DAPP1: variants seen among roughly 807,000 people sequenced by gnomAD.
DAPP1 encodes dual adapter for phosphotyrosine and 3-phosphotyrosine and 3-phosphoinositide.
A neutral mutation model predicts 41.5 loss-of-function variants in DAPP1; 20 were observed. The observed-to-expected ratio is 0.48, with a 90% CI of 0.34 to 0.70. DAPP1 has a LOEUF of 0.70. Ranked by LOEUF, DAPP1 falls within the 30% of genes least tolerant of loss-of-function variation. DAPP1 has a pLI of 0.01. For synonymous variants in DAPP1, 113 were observed against 116.2 expected, an observed-to-expected ratio of 0.97 and a Z score of 0.18; for missense variants, 233 against 333.4, an observed-to-expected ratio of 0.70 and a Z score of 2.35.
At chr4:99,848,262 C>G (rs1371499906) in intron 3 of DAPP1, among the ~76,000 whole-genome samples, 4 of 148,106 alleles carry the variant, frequency 2.7e-5, no homozygotes, top group Non-Finnish European at 6.0e-5. Flanking sequence ...GGGTCTCACT[C>G]TGTTGCCCAG....
Position 99,868,329 on chromosome 4 carries a change from T to G in DAPP1, c.*144T>G, listed in dbSNP as rs1156630434. On this transcript the variant is annotated 3_prime_UTR_variant, in exon 9 of 9. Coordinates refer to ENST00000512369, the MANE Select transcript of DAPP1 (RefSeq NM_014395.3). ...AGAAGCAGATGCTGATTGGGACCCA[T>G]ATACCACGTTGCTGACTCACGTTGC... 1 of 706,888 alleles carries G rather than the reference T, an allele frequency of 1.4e-6. No homozygotes were observed. The highest frequency in any genetic ancestry group is 2.4e-6 in the Non-Finnish European group (1 of 414,932). 43.8% of individuals were successfully genotyped at this position (706,888 alleles called of 1,614,324 possible).
At chr4:99,849,195 A>G (rs531938532) in intron 3 of DAPP1, among the ~76,000 whole-genome samples, 10 of 152,158 alleles carry the variant, frequency 6.6e-5, no homozygotes, top group Admixed American at 4.6e-4. Context: ...CCTTTGTTTT[A>G]CTTTTGTTGA....
intron 1 of DAPP1, among the ~76,000 whole-genome samples, chr4:99,828,544 A>G (rs1723020316): frequency 1.3e-5 from 2 of 152,216 alleles, no homozygotes; most frequent in African/African-American, 4.8e-5. Context: ...GTGGGATAAG[A>G]AACTATGAAG....
At position 99,869,930 on chromosome 4, in the gene DAPP1, A is replaced by C. The variant is rs557275243; in HGVS notation, c.*1745A>C. The C allele has an allele frequency of 1.2e-4, 18 of 151,796 alleles. No homozygotes were observed. Among genetic ancestry groups the C allele is most frequent in the African/African-American group, 4.1e-4 (17 of 41,438 alleles). 9.4% of individuals were successfully genotyped at this position (151,796 alleles called of 1,614,324 possible). ...GGGTGACAGAGTCAGACTCCGTCCCAAAAAAACAAACAAACAAAACAAAAC... is the reference window on the plus strand; with the variant it reads ...GGGTGACAGAGTCAGACTCCGTCCCCAAAAAACAAACAAACAAAACAAAAC... On this transcript the variant is annotated 3_prime_UTR_variant, in exon 9 of 9. Coordinates refer to ENST00000512369, the MANE Select transcript of DAPP1 (RefSeq NM_014395.3).
intron 1 of DAPP1, among the ~76,000 whole-genome samples, chr4:99,824,554 T>C (rs1206465790): frequency 1.3e-5 from 2 of 152,160 alleles, no homozygotes; most frequent in Admixed American, 1.3e-4. Flanking sequence ...CCCAATGTAC[T>C]TATAGCTCTT....
intron 1 of DAPP1, among the ~76,000 whole-genome samples, chr4:99,817,847 T>A (rs1560683480): frequency 6.6e-6 from 1 of 152,224 alleles, no homozygotes; most frequent in Non-Finnish European, 1.5e-5. Context: ...CCTGGACAAA[T>A]AGCTCTAACT....
At chr4:99,861,399 C>T (rs1029272569) in intron 4 of DAPP1, among the ~76,000 whole-genome samples, 179 bp from the exon 5 acceptor site, 1 of 152,164 alleles carries the variant, frequency 6.6e-6, no homozygotes, top group African/African-American at 2.4e-5. Flanking sequence ...CCAGTAGATC[C>T]AGTCTGAAAA....
intron 1 of DAPP1, among the ~76,000 whole-genome samples, chr4:99,818,398 G>A (rs151087633): frequency 2.0e-5 from 3 of 152,266 alleles, no homozygotes; most frequent in African/African-American, 4.8e-5. Context: ...TCTGTTAACT[G>A]TATTCCCAGC....
chr4:99,857,670 T>C (rs552066846), intron 4 of DAPP1, among the ~76,000 whole-genome samples: 1 of 151,164 alleles, frequency 6.6e-6, no homozygotes, highest in East Asian at 1.9e-4. Context: ...TTCAGTCTTT[T>C]ACTTGAAAAA....
At chr4:99,853,189 T>C in intron 3 of DAPP1, 29 bp from the exon 4 acceptor site, 1 of 1,612,332 alleles carries the variant, frequency 6.2e-7, no homozygotes, top group South Asian at 1.1e-5. Context: ...GGAACACTGT[T>C]CGATTATATA....
At chr4:99,865,292 T>C (rs1197429452) in intron 7 of DAPP1, 2 of 152,192 alleles carry the variant, frequency 1.3e-5, no homozygotes, top group African/African-American at 4.8e-5. Flanking sequence ...TAAGGAAGTA[T>C]GTTCAGTATG....
At chr4:99,863,096 TTCCTTTAAAAA>T (rs760414332) in intron 6 of DAPP1, 24 bp downstream of exon 6, 6 of 1,497,910 alleles carry the variant, frequency 4.0e-6, no homozygotes, top group Non-Finnish European at 5.4e-6. Context: ...TAATATATTT[TTCCTTTAAAAA>T]TCAATTCTCT....
chr4:99,847,611 T>C (rs967417200), intron 3 of DAPP1, among the ~76,000 whole-genome samples: 6 of 152,200 alleles, frequency 3.9e-5, no homozygotes, highest in African/African-American at 7.2e-5. Flanking sequence ...CTGTGGTTAC[T>C]GGTCTTCCTC....
chr4:99,871,030 G>T (rs1286877993), downstream of DAPP1, among the ~76,000 whole-genome samples: 2 of 152,098 alleles, frequency 1.3e-5, no homozygotes, highest in Non-Finnish European at 2.9e-5. Context: ...TTCCCCCTAT[G>T]CCAGAACACC....
intron 3 of DAPP1, among the ~76,000 whole-genome samples, chr4:99,842,299 C>T (rs1221210702): frequency 1.3e-5 from 2 of 152,234 alleles, no homozygotes; most frequent in African/African-American, 2.4e-5. Flanking sequence ...ATCTTGACTA[C>T]AATTGCCATT....
At chr4:99,823,912 A>C (rs1722854691) in intron 1 of DAPP1, among the ~76,000 whole-genome samples, 1 of 152,210 alleles carries the variant, frequency 6.6e-6, no homozygotes, top group Non-Finnish European at 1.5e-5. Flanking sequence ...CTCATGTCCA[A>C]ACAAAACTAG....
In DAPP1 at chr4:99,840,315, A is replaced by G. The variant is rs541741416; in HGVS notation, c.251A>G (p.His84Arg). The change falls in exon 3 of 9, where the codon CAT becomes CGT. Residue 84 changes from histidine to arginine, a missense_variant. By Grantham distance (29) the His-to-Arg change is conservative. Transcript: ENST00000512369. ...GCCAAAGATTCTGTTAAACACTTTC[A>G]TGTTGAATATACTGGATATTCATTT... Reference protein sequence around the residue: ...VRAKDSVKHFHVEYTGYSFKF... With the variant: ...VRAKDSVKHFRVEYTGYSFKF... The G allele has an allele frequency of 6.3e-7, 1 of 1,587,832 alleles. No individual in the cohort carries two copies. The highest frequency in any genetic ancestry group is 1.1e-5 in the South Asian group (1 of 87,004).
chr4:99,840,200 A>T, intron 2 of DAPP1, 89 bp from the exon 3 acceptor site: 2 of 895,886 alleles, frequency 2.2e-6, no homozygotes, highest in South Asian at 2.0e-5. Flanking sequence ...ATAAAGGGTT[A>T]ATAGTGATGC....
chr4:99,846,899 G>T (rs760824926), intron 3 of DAPP1, among the ~76,000 whole-genome samples: 8 of 152,184 alleles, frequency 5.3e-5, no homozygotes, highest in Non-Finnish European at 7.4e-5. Flanking sequence ...TGCAGAGCAG[G>T]TGGCAAAGAA....
Sources: gnomAD v4.1 joint callset for allele counts (sites outside exome capture counted in the v4.1 genomes callset) on GRCh38, gnomAD v4.1.1 for gene constraint, MANE v1.5 for transcripts, NCBI Gene and HGNC (gene_info 2026-07-23, HGNC 2026-07-21) for gene names.